The following OXR1 variants were observed in gnomAD, a reference collection of about 807,000 sequenced individuals.
OXR1 encodes the protein oxidation resistance 1.
OXR1 carries 41 observed loss-of-function variants against 104.6 expected under a neutral mutation model. The observed-to-expected ratio is 0.39, with a 90% CI of 0.31 to 0.51. The LOEUF is 0.51. Among genes scored for constraint, OXR1 ranks in the 20% least tolerant of loss-of-function variants. OXR1 has a pLI of 0.77. For synonymous variants in OXR1, 348 were observed against 348.4 expected, an observed-to-expected ratio of 1.00 and a Z score of 0.01; for missense variants, 955 against 1,031.9, an observed-to-expected ratio of 0.93 and a Z score of 1.02.
chr8:106,567,464 G>A (rs1817164483), intron 3 of OXR1, among the ~76,000 whole-genome samples: 1 of 152,264 alleles, frequency 6.6e-6, no homozygotes, highest in Admixed American at 6.5e-5. Flanking sequence ...AGTGAGGAAT[G>A]AGTTAAAATT....
chr8:106,601,511 G>T (rs1438362397), intron 3 of OXR1, among the ~76,000 whole-genome samples: 5 of 152,140 alleles, frequency 3.3e-5, no homozygotes, highest in Non-Finnish European at 5.9e-5. Context: ...ATACTAGAAG[G>T]ACACTAATTC....
intron 7 of OXR1, among the ~76,000 whole-genome samples, chr8:106,701,384 T>G (rs1830572590): frequency 6.6e-6 from 1 of 152,202 alleles, no homozygotes; most frequent in Admixed American, 6.5e-5. Flanking sequence ...CTTTTTATTT[T>G]ATCATTTTTA....
At chr8:106,468,320 A>G (rs1182750359) in intron 2 of OXR1, among the ~76,000 whole-genome samples, 1 of 151,806 alleles carries the variant, frequency 6.6e-6, no homozygotes, top group Non-Finnish European at 1.5e-5. Flanking sequence ...AGTTTACTTT[A>G]GTTACCATGT....
intron 3 of OXR1, among the ~76,000 whole-genome samples, chr8:106,636,215 T>C (rs1364652182): frequency 2.0e-5 from 3 of 152,194 alleles, no homozygotes; most frequent in Non-Finnish European, 2.9e-5. Context: ...ATGTGATCAA[T>C]AGGAAACACT....
chr8:106,514,470 A>G (rs1260010177), intron 2 of OXR1, among the ~76,000 whole-genome samples: 2 of 152,152 alleles, frequency 1.3e-5, no homozygotes, highest in African/African-American at 4.8e-5. Context: ...TTCTAAACTT[A>G]GAACAAAAAC....
At chr8:106,698,032 C>T in intron 7 of OXR1, 1 of 1,583,780 alleles carries the variant, frequency 6.3e-7, no homozygotes, top group Non-Finnish European at 8.7e-7. Flanking sequence ...GTGGCGGTGG[C>T]TGCGGGGAGC....
chr8:106,645,936 A>G (rs890238928), intron 3 of OXR1, among the ~76,000 whole-genome samples: 2 of 152,014 alleles, frequency 1.3e-5, no homozygotes, highest in African/African-American at 4.8e-5. Flanking sequence ...ACTTCATTTC[A>G]TCTTGTATTG....
intron 1 of OXR1, among the ~76,000 whole-genome samples, chr8:106,347,152 C>T (rs1197198160): frequency 6.6e-6 from 1 of 152,218 alleles, no homozygotes; most frequent in Non-Finnish European, 1.5e-5. Context: ...CAATTCTTCT[C>T]TAGGCTCAAT....
intron 1 of OXR1, among the ~76,000 whole-genome samples, chr8:106,346,746 A>T (rs952768122): frequency 1.3e-5 from 2 of 151,890 alleles, no homozygotes; most frequent in African/African-American, 4.8e-5. Context: ...AGTTCCAAAA[A>T]ATGGAAGCTC....
At chr8:106,514,047 C>A (rs1812708294) in intron 2 of OXR1, among the ~76,000 whole-genome samples, 1 of 152,114 alleles carries the variant, frequency 6.6e-6, no homozygotes, top group African/African-American at 2.4e-5. Context: ...TCTTCTTTTC[C>A]TTATTTCCTA....
chr8:106,296,502 G>C (rs1297878477), intron 1 of OXR1, among the ~76,000 whole-genome samples: 3 of 152,098 alleles, frequency 2.0e-5, no homozygotes, highest in Non-Finnish European at 4.4e-5. Context: ...TTTAAGATAA[G>C]TAACCTAGTC....
chr8:106,378,126 A>G (rs1406439716), intron 2 of OXR1, among the ~76,000 whole-genome samples: 1 of 152,200 alleles, frequency 6.6e-6, no homozygotes, highest in East Asian at 1.9e-4. Flanking sequence ...TCACATTAAG[A>G]TCTTTTTGGA....
chr8:106,659,707 C>G (rs1825554303), intron 3 of OXR1, among the ~76,000 whole-genome samples: 1 of 152,286 alleles, frequency 6.6e-6, no homozygotes, highest in Non-Finnish European at 1.5e-5. Flanking sequence ...ACACGTGTAT[C>G]TGATTCATTC....
chr8:106,339,528 A>G (rs1458618572), intron 1 of OXR1, among the ~76,000 whole-genome samples: 586 of 27,912 alleles, frequency 0.021, 30 homozygotes, highest in Non-Finnish European at 0.027. Flanking sequence ...AAATATATAT[A>G]TATATATATA....
In OXR1 at chr8:106,309,969, C is replaced by T. The variant is rs546267335; in HGVS notation, c.-139+39602C>T. 1.5e-4 allele frequency among the ~76,000 whole-genome samples: 22 copies of T among 151,650 alleles called. 1 individual carries two copies. The highest frequency in any genetic ancestry group is 4.6e-4 in the African/African-American group (19 of 41,458). On this transcript the variant is annotated intron_variant, in intron 1 of 16. Coordinates refer to ENST00000517566, the MANE Select transcript of OXR1 (RefSeq NM_001198533.2). ...CAACATTTTTAGCTGCTTTTTCTTC[C>T]GGTTTACCTCTGTGATTCTGAATAT...
At chr8:106,411,311 C>G (rs1320812799) in intron 2 of OXR1, among the ~76,000 whole-genome samples, 1 of 152,098 alleles carries the variant, frequency 6.6e-6, no homozygotes, top group Non-Finnish European at 1.5e-5. Flanking sequence ...CATGACAGAT[C>G]ATGCACAGCA....
At chr8:106,515,072 A>G (rs1361142143) in intron 2 of OXR1, among the ~76,000 whole-genome samples, 1 of 152,148 alleles carries the variant, frequency 6.6e-6, no homozygotes, top group African/African-American at 2.4e-5. Flanking sequence ...GTTCAACATA[A>G]TACTGTTAGT....
intron 3 of OXR1, among the ~76,000 whole-genome samples, chr8:106,531,229 A>G (rs1814073058): frequency 6.6e-6 from 1 of 152,224 alleles, no homozygotes; most frequent in Non-Finnish European, 1.5e-5. Flanking sequence ...GAAAAAACTA[A>G]TATGCGTTGG....
chr8:106,357,045 A>G (rs150578033), intron 1 of OXR1, among the ~76,000 whole-genome samples: 30 of 152,206 alleles, frequency 2.0e-4, no homozygotes, highest in African/African-American at 5.8e-4. Context: ...ATGTCTCTCA[A>G]TGCAAACTTG....
Sources: gnomAD v4.1 joint callset for allele counts (sites outside exome capture counted in the v4.1 genomes callset) on GRCh38, gnomAD v4.1.1 for gene constraint, MANE v1.5 for transcripts, NCBI Gene and HGNC (gene_info 2026-07-23, HGNC 2026-07-21) for gene names.